DNAJC15: variants seen among roughly 807,000 people sequenced by gnomAD.
DNAJC15 encodes the protein dnaJ homolog subfamily C member 15.
Under a neutral mutation model 22.4 loss-of-function variants are expected in DNAJC15, and 27 were observed. The ratio of observed to expected loss-of-function variants is 1.20; its 90% CI spans 0.89 to 1.66. The LOEUF (loss-of-function observed/expected upper bound fraction) is 1.66, where lower values mean the gene tolerates loss of function less well. Among genes scored for constraint, DNAJC15 ranks in the 40% most tolerant of loss-of-function variants. The probability of loss-of-function intolerance (pLI) is 0.00; values close to 1 mark genes in which losing one functional copy is unlikely to be tolerated. For synonymous variants in DNAJC15, 79 were observed against 63.2 expected (o/e 1.25, Z -1.19); for missense variants, 208 against 187.1 (o/e 1.11, Z -0.65).
chr13:43,063,916 C>A (rs2153440771), intron 1 of DNAJC15, among the ~76,000 whole-genome samples: 1 of 152,202 alleles, frequency 6.6e-6, no homozygotes, highest in Middle Eastern at 3.4e-3. Context: ...ATATGTAGCA[C>A]CAGGGAAGCG....
rs1555274771 is a variant in DNAJC15 at position 43,051,661 on chromosome 13, G to GTA, written c.109-14017_109-14016dup. ...TGTGTGTGTGTGTGTGTGTGTGTGT[G>GTA]TATATATATCACATTTTCTTTATCC... On this transcript the variant is annotated intron_variant, in intron 1 of 5. Coordinates refer to ENST00000379221, the MANE Select transcript of DNAJC15 (RefSeq NM_013238.3). Among the ~76,000 whole-genome samples, 64 of 78,090 alleles carry GTA rather than the reference G, an allele frequency of 8.2e-4. 1 individual carries two copies. Among genetic ancestry groups the GTA allele is most frequent in the African/African-American group, 2.2e-3 (52 of 23,730 alleles). The allele number at this position is 78,090 out of a possible 152,430, so 51.2% of individuals were successfully genotyped here.
chr13:43,056,788 T>A (rs1295595038), intron 1 of DNAJC15, among the ~76,000 whole-genome samples: 1 of 152,210 alleles, frequency 6.6e-6, no homozygotes, highest in Admixed American at 6.5e-5. Context: ...TTTTAACTGT[T>A]GTTGCTTTGA....
At chr13:43,048,325 CAA>C (rs766125510) in intron 1 of DNAJC15, among the ~76,000 whole-genome samples, 8 of 130,336 alleles carry the variant, frequency 6.1e-5, no homozygotes, top group Admixed American at 7.7e-5. Flanking sequence ...ACTAAAAATA[CAA>C]AAAAAAAAAA....
At position 43,023,596 on chromosome 13, in the gene DNAJC15, G is replaced by A; in HGVS notation, c.-31G>A. The stretch of plus-strand genomic sequence containing the variant: ...CTACGGCCGCCTCGTAGTCACTGCC[G>A]CGGCGCCTTGAGTCTCCGGGCCGCC... On this transcript the variant is annotated 5_prime_UTR_variant, in exon 1 of 6. Transcript: ENST00000379221. 1 of 1,589,414 alleles carries A rather than the reference G, an allele frequency of 6.3e-7. No homozygotes were observed. The highest frequency in any genetic ancestry group is 1.3e-5 in the African/African-American group (1 of 74,310).
rs1430448279 is a variant in DNAJC15 at position 43,111,488 on chromosome 13, CAGAAA to C, written c.*4244_*4248del. ...TGGTTGTCCTGGGGAACCTTGAACA[CAGAAA>C]AGAGCTTTTATTGATAAGGTAATTG... On this transcript the variant is annotated 3_prime_UTR_variant, in exon 6 of 6. Coordinates refer to ENST00000379221, the MANE Select transcript of DNAJC15 (RefSeq NM_013238.3). 1 of 152,100 alleles carries C rather than the reference CAGAAA, an allele frequency of 6.6e-6. No individual in the cohort carries two copies. The highest frequency in any genetic ancestry group is 1.5e-5 in the Non-Finnish European group (1 of 68,018). 9.4% of individuals were successfully genotyped at this position (152,100 alleles called of 1,614,324 possible). A position where few individuals can be genotyped will look rare whatever the true frequency, so the allele number is the denominator to read the frequency against.
At position 43,107,303 on chromosome 13, in the gene DNAJC15, AGCCCTGC is replaced by A; in HGVS notation, c.*56_*62del. ...AAGAGGGGACTTCGAAAAAAAAAAA[AGCCCTGC>A]AAAATATTCTAAAACATGGTCTTCT... On this transcript the variant is annotated 3_prime_UTR_variant, in exon 6 of 6. Coordinates refer to ENST00000379221, the MANE Select transcript of DNAJC15 (RefSeq NM_013238.3). 4.2e-6 allele frequency: 6 copies of A among 1,422,610 alleles called. No homozygotes were observed. The highest frequency in any genetic ancestry group is 5.6e-6 in the Non-Finnish European group (6 of 1,067,142). The allele number at this position is 1,422,610 out of a possible 1,614,324, so 88.1% of individuals were successfully genotyped here.
intron 5 of DNAJC15, among the ~76,000 whole-genome samples, chr13:43,096,948 C>A (rs1271491406): frequency 6.6e-6 from 1 of 152,018 alleles, no homozygotes; most frequent in Non-Finnish European, 1.5e-5. Context: ...CAGCTTAGGC[C>A]CTAGTGAGGC....
At chr13:43,090,113 A>G (rs1357224531) in intron 5 of DNAJC15, among the ~76,000 whole-genome samples, 1 of 152,260 alleles carries the variant, frequency 6.6e-6, no homozygotes, top group Non-Finnish European at 1.5e-5. Flanking sequence ...TGAATGATTC[A>G]TGAATTGGGC....
At chr13:43,080,731 G>A (rs2040657981) in intron 4 of DNAJC15, among the ~76,000 whole-genome samples, 1 of 152,210 alleles carries the variant, frequency 6.6e-6, no homozygotes, top group African/African-American at 2.4e-5. Flanking sequence ...ATATAAGAAT[G>A]ATATGATGAT....
chr13:43,113,742 T>G lies in DNAJC15; in HGVS notation c.*6494T>G, dbSNP rs1181152965. ...AATAGTTAAGAGTTGACTGCAGAAGTGTTTACACTTTGGCTTCCATGCCTC... is the reference window on the plus strand; with the variant it reads ...AATAGTTAAGAGTTGACTGCAGAAGGGTTTACACTTTGGCTTCCATGCCTC... On this transcript the variant is annotated 3_prime_UTR_variant, in exon 6 of 6. Transcript: ENST00000379221. The G allele has an allele frequency of 2.0e-5, 3 of 152,358 alleles. No individual in the cohort carries two copies. The East Asian group carries it at 5.8e-4, about 29-fold the overall frequency. 9.4% of individuals were successfully genotyped at this position (152,358 alleles called of 1,614,324 possible).
chr13:43,072,640 T>G (rs1313682736), intron 3 of DNAJC15, among the ~76,000 whole-genome samples: 1 of 151,988 alleles, frequency 6.6e-6, no homozygotes, highest in Non-Finnish European at 1.5e-5. Context: ...CTCGGCTCAC[T>G]GCAACTTCTG....
At chr13:43,054,114 T>C (rs1167537584) in intron 1 of DNAJC15, among the ~76,000 whole-genome samples, 2 of 151,806 alleles carry the variant, frequency 1.3e-5, no homozygotes, top group Non-Finnish European at 2.9e-5. Flanking sequence ...TTAATCATGA[T>C]GGAATGCTGG....
rs572159980 is a variant in DNAJC15 at position 43,109,797 on chromosome 13, C to T, written c.*2549C>T. On this transcript the variant is annotated 3_prime_UTR_variant, in exon 6 of 6. Coordinates refer to ENST00000379221, the MANE Select transcript of DNAJC15 (RefSeq NM_013238.3). ...ATTGGTGCAGCACACCAACATGGCT[C>T]ATGTCTACATATGTAACAAACCTGC... 2 of 152,230 alleles carry T rather than the reference C, an allele frequency of 1.3e-5. No homozygotes were observed. Among genetic ancestry groups the T allele is most frequent in the African/African-American group, 4.8e-5 (2 of 41,534 alleles). The allele number at this position is 152,230 out of a possible 1,614,324, so 9.4% of individuals were successfully genotyped here.
chr13:43,094,605 TTC>T (rs1414315610), intron 5 of DNAJC15, among the ~76,000 whole-genome samples: 1 of 152,220 alleles, frequency 6.6e-6, no homozygotes, highest in Non-Finnish European at 1.5e-5. Flanking sequence ...TTTCAGAAGC[TTC>T]TTGCTTTTTT....
intron 5 of DNAJC15, among the ~76,000 whole-genome samples, chr13:43,088,482 GTTCT>G (rs763787949): frequency 1.3e-4 from 20 of 152,176 alleles, no homozygotes; most frequent in South Asian, 6.2e-4. Context: ...CTACTAGAAA[GTTCT>G]TTCTTGCATT....
chr13:43,095,574 T>C (rs1200764256), intron 5 of DNAJC15, among the ~76,000 whole-genome samples: 3 of 151,846 alleles, frequency 2.0e-5, no homozygotes, highest in African/African-American at 7.3e-5. Flanking sequence ...AGTGAAAGTA[T>C]GGATAAGAAA....
At chr13:43,052,641 C>T (rs2040510729) in intron 1 of DNAJC15, among the ~76,000 whole-genome samples, 1 of 152,030 alleles carries the variant, frequency 6.6e-6, no homozygotes. Context: ...GTCTCGAACT[C>T]CCTGACCTCA....
intron 5 of DNAJC15, among the ~76,000 whole-genome samples, chr13:43,106,703 G>A (rs2040798427): frequency 6.6e-6 from 1 of 151,258 alleles, no homozygotes; most frequent in African/African-American, 2.4e-5. Flanking sequence ...TTTTATTTTT[G>A]TGACATTATA....
intron 1 of DNAJC15, among the ~76,000 whole-genome samples, chr13:43,041,332 A>C (rs2040452826): frequency 6.6e-6 from 1 of 152,214 alleles, no homozygotes; most frequent in South Asian, 2.1e-4. Context: ...TAATCCATTT[A>C]ACCCTGAGTT....
Sources: allele counts gnomAD v4.1 joint callset (sites outside exome capture counted in the v4.1 genomes callset), GRCh38; gene constraint gnomAD v4.1.1; transcripts MANE v1.5; gene names NCBI Gene and HGNC (gene_info 2026-07-23, HGNC 2026-07-21).